The following TRPC4 variants were observed in gnomAD, a reference collection of about 807,000 sequenced individuals.
TRPC4 encodes transient receptor potential cation channel subfamily C member 4, also known as short transient receptor potential channel 4.
Under a neutral mutation model 99.4 loss-of-function variants are expected in TRPC4, and 49 were observed. That is an observed-to-expected ratio of 0.49 (90% CI 0.39 to 0.63). TRPC4 has a LOEUF of 0.63. Among genes scored for constraint, TRPC4 ranks in the 20% least tolerant of loss-of-function variants. TRPC4 has a pLI of 0.00. For synonymous variants in TRPC4, 454 were observed against 425.9 expected (o/e 1.07, Z -0.81); for missense variants, 898 against 1,152.9 (o/e 0.78, Z 3.20).
chr13:37,669,812 G>A (rs1366491303), intron 5 of TRPC4, among the ~76,000 whole-genome samples: 7 of 152,154 alleles, frequency 4.6e-5, no homozygotes, highest in Admixed American at 1.3e-4. Flanking sequence ...CATGGCCTTG[G>A]TTAGAAGGGC....
intron 8 of TRPC4, among the ~76,000 whole-genome samples, chr13:37,644,047 C>T (rs777294477): frequency 2.0e-5 from 3 of 152,210 alleles, no homozygotes; most frequent in Middle Eastern, 3.4e-3. Flanking sequence ...GGGATTAGGA[C>T]TTCAACCTAT....
At chr13:37,742,307 C>A (rs1023326195) in intron 3 of TRPC4, among the ~76,000 whole-genome samples, 3 of 152,134 alleles carry the variant, frequency 2.0e-5, no homozygotes, top group African/African-American at 7.2e-5. Flanking sequence ...CATAAGGAAT[C>A]TGTTATTAGG....
chr13:37,816,441 CTCA>C (rs1252276462), intron 1 of TRPC4, among the ~76,000 whole-genome samples: 2 of 151,850 alleles, frequency 1.3e-5, no homozygotes, highest in Non-Finnish European at 2.9e-5. Flanking sequence ...ATACATTCTT[CTCA>C]TCGTGACATG....
At chr13:37,724,380 T>A (rs1954967891) in intron 3 of TRPC4, among the ~76,000 whole-genome samples, 2 of 152,188 alleles carry the variant, frequency 1.3e-5, no homozygotes, top group South Asian at 4.1e-4. Context: ...ATTCCCAACT[T>A]TGAGCAATGA....
At chr13:37,656,056 T>A (rs1391793178) in intron 6 of TRPC4, among the ~76,000 whole-genome samples, 2 of 152,072 alleles carry the variant, frequency 1.3e-5, no homozygotes, top group African/African-American at 4.8e-5. Context: ...ATTTGATGGG[T>A]TTTTGGTTTT....
At chr13:37,759,714 G>A (rs577320819) in intron 2 of TRPC4, among the ~76,000 whole-genome samples, 1 of 152,022 alleles carries the variant, frequency 6.6e-6, no homozygotes, top group African/African-American at 2.4e-5. Flanking sequence ...AGTTTGAAAA[G>A]CTATGGAGAC....
intron 3 of TRPC4, among the ~76,000 whole-genome samples, chr13:37,736,896 T>TCTAA (rs1491451343): frequency 0.024 from 1,044 of 43,344 alleles, 15 homozygotes; most frequent in African/African-American, 0.066. Context: ...GCCTGGCTAA[T>TCTAA]TTTTTTTTTT....
chr13:37,809,457 C>T (rs980020049), intron 1 of TRPC4, among the ~76,000 whole-genome samples: 5 of 107,044 alleles, frequency 4.7e-5, no homozygotes, highest in Admixed American at 1.1e-4. Flanking sequence ...ACAAAGTCCC[C>T]GGGTTTTGTG....
At chr13:37,762,411 T>C (rs1274411486) in intron 2 of TRPC4, among the ~76,000 whole-genome samples, 2 of 151,626 alleles carry the variant, frequency 1.3e-5, no homozygotes, top group African/African-American at 4.8e-5. Context: ...TAAAGACACA[T>C]GCACACGTAT....
intron 1 of TRPC4, among the ~76,000 whole-genome samples, chr13:37,860,723 G>T (rs1959250521): frequency 1.3e-5 from 2 of 151,330 alleles, no homozygotes; most frequent in Admixed American, 6.6e-5. Context: ...CCCTACTATG[G>T]TTGAGGCAGC....
chr13:37,837,583 GGAATGGCT>G lies in TRPC4; in HGVS notation c.-28+32004_-28+32011del, dbSNP rs1224297593. 2.6e-5 allele frequency among the ~76,000 whole-genome samples: 4 copies of G among 152,124 alleles called. No individual in the cohort carries two copies. The East Asian group carries it at 7.7e-4, about 29-fold the overall frequency. On this transcript the variant is annotated intron_variant, in intron 1 of 10. Transcript: ENST00000379705. ...TCTTTTTGGCCAACTTCTCCCATTT[GGAATGGCT>G]GTATTTACCCAGTGTCTGTACTCCC...
intron 3 of TRPC4, among the ~76,000 whole-genome samples, chr13:37,738,091 T>C (rs1269228228): frequency 2.6e-5 from 4 of 152,130 alleles, no homozygotes; most frequent in African/African-American, 9.6e-5. Flanking sequence ...AATAGGATAT[T>C]GATTTCCTAC....
intron 7 of TRPC4, 125 bp downstream of exon 7, chr13:37,654,963 A>T: frequency 1.4e-6 from 1 of 735,136 alleles, no homozygotes; most frequent in South Asian, 4.5e-5. Flanking sequence ...AACCATTTAT[A>T]ATTCTTATCT....
chr13:37,651,182 C>A, intron 8 of TRPC4, 83 bp downstream of exon 8: 2 of 1,510,622 alleles, frequency 1.3e-6, no homozygotes, highest in Non-Finnish European at 1.8e-6. Flanking sequence ...AGGCTAAAGA[C>A]CTGAACATGT....
At chr13:37,792,975 G>A (rs541125917) in intron 1 of TRPC4, among the ~76,000 whole-genome samples, 2 of 152,086 alleles carry the variant, frequency 1.3e-5, no homozygotes, top group Admixed American at 6.6e-5. Context: ...GTCTGTGTGA[G>A]GGAAAAAGCC....
chr13:37,667,036 C>T (rs1211340583), intron 5 of TRPC4, among the ~76,000 whole-genome samples: 1 of 152,154 alleles, frequency 6.6e-6, no homozygotes, highest in East Asian at 1.9e-4. Flanking sequence ...TAACTCACCA[C>T]CTTTGCATCC....
At chr13:37,730,728 A>T (rs962817147) in intron 3 of TRPC4, among the ~76,000 whole-genome samples, 10 of 152,032 alleles carry the variant, frequency 6.6e-5, no homozygotes, top group African/African-American at 2.4e-4. Flanking sequence ...GGCATTAAAT[A>T]TGCATTGTAT....
intron 1 of TRPC4, among the ~76,000 whole-genome samples, chr13:37,839,562 A>G (rs1163712214): frequency 6.6e-6 from 1 of 152,204 alleles, no homozygotes; most frequent in East Asian, 1.9e-4. Flanking sequence ...TTATCCTGTC[A>G]TTTAATGAGG....
At chr13:37,653,284 G>A (rs1952109518) in intron 7 of TRPC4, among the ~76,000 whole-genome samples, 2 of 152,144 alleles carry the variant, frequency 1.3e-5, no homozygotes, top group African/African-American at 4.8e-5. Context: ...ACAAATGAGT[G>A]AATGGAAAGC....
Sources: gnomAD v4.1 joint callset for allele counts (sites outside exome capture counted in the v4.1 genomes callset) on GRCh38, gnomAD v4.1.1 for gene constraint, MANE v1.5 for transcripts, NCBI Gene and HGNC (gene_info 2026-07-23, HGNC 2026-07-21) for gene names.